Variants in APOO observed in about 807,000 individuals in gnomAD.
APOO encodes the protein MICOS complex subunit MIC26.
In APOO, 11 loss-of-function variants were observed where a neutral mutation model predicts 23.1. That is an observed-to-expected ratio of 0.48 (90% CI 0.30 to 0.79). APOO has a LOEUF of 0.79. Ranked by LOEUF, APOO falls within the 30% of genes least tolerant of loss-of-function variation. The pLI is 0.07. For synonymous variants in APOO, 59 were observed against 54.8 expected, an observed-to-expected ratio of 1.08 and a Z score of -0.34; for missense variants, 160 against 142.7, an observed-to-expected ratio of 1.12 and a Z score of -0.62.
At position 23,869,951 on chromosome X, in the gene APOO, C is replaced by CA. The variant is rs112428925; in HGVS notation, c.293-1264dup. Among the ~76,000 whole-genome samples, 394 of 69,648 alleles carry CA rather than the reference C, an allele frequency of 5.7e-3. 1 individual carries two copies. Among genetic ancestry groups the CA allele is most frequent in the African/African-American group, 7.2e-3 (133 of 18,557 alleles). The allele number at this position is 69,648 out of a possible 115,157, so 60.5% of individuals were successfully genotyped here. A position where few individuals can be genotyped will look rare whatever the true frequency, so the allele number is the denominator to read the frequency against. On this transcript the variant is annotated intron_variant, in intron 4 of 8. Coordinates refer to ENST00000379226, the MANE Select transcript of APOO (RefSeq NM_024122.5). ...TGGGTGACAGAGCGAGACTCCTTCT[C>CA]AAAAAAAAAAAAAAGAAAGAAATCA...
At chrX:23,857,788 C>T (rs964971978) in intron 6 of APOO, among the ~76,000 whole-genome samples, 1 of 111,415 alleles carries the variant, frequency 9.0e-6, no homozygotes, top group Non-Finnish European at 1.9e-5. Flanking sequence ...CTTGTTCTTA[C>T]CAGTTCCTGA....
rs763483660 is a variant in APOO, at chrX:23,843,004, A to G, written c.562-2627T>C. On this transcript the variant is annotated intron_variant, in intron 7 of 8. Transcript: ENST00000379226. Reference sequence around the variant, plus strand: ...GCCTGGGCAACAAGAGTGAAACTCCATCTCAAAAACAAACAAAAACAAACA... The same window carrying G: ...GCCTGGGCAACAAGAGTGAAACTCCGTCTCAAAAACAAACAAAAACAAACA... Among the ~76,000 whole-genome samples the G allele has an allele frequency of 9.0e-5, 10 of 111,627 alleles. No homozygotes were observed. In the East Asian group the frequency reaches 2.2e-3, roughly 25 times the overall value.
At chrX:23,863,532 G>C (rs1424669118) in intron 5 of APOO, among the ~76,000 whole-genome samples, 1 of 111,744 alleles carries the variant, frequency 8.9e-6, no homozygotes, top group Non-Finnish European at 1.9e-5. Flanking sequence ...TGAAAGTTTT[G>C]ATGGCAAACA....
intron 5 of APOO, among the ~76,000 whole-genome samples, chrX:23,867,109 TAAACGAAACGAAACG>T (rs57271337): frequency 4.3e-4 from 45 of 104,357 alleles, no homozygotes; most frequent in Middle Eastern, 4.8e-3. Flanking sequence ...CAAATTAAGC[TAAACGAAACGAAACG>T]AAACGAAACG....
At chrX:23,861,559 CAAAAAAAAAAAA>C (rs1344776442) in intron 5 of APOO, among the ~76,000 whole-genome samples, 1 of 39,072 alleles carries the variant, frequency 2.6e-5, no homozygotes, top group East Asian at 7.1e-4. Flanking sequence ...GATCCTGTCT[CAAAAAAAAAAAA>C]AAAAAAAAAA....
Position 23,840,373 on chromosome X carries a change from C to T in APOO, c.566G>A (p.Gly189Glu), listed in dbSNP as rs757432410. 9 of 1,200,175 alleles carry T rather than the reference C, an allele frequency of 7.5e-6. No individual in the cohort carries two copies. Among genetic ancestry groups the T allele is most frequent in the Non-Finnish European group, 1.0e-5 (9 of 890,239 alleles). ...DLWKENFQKP[G>E]NVKNSPGTK ...AGTTCCAGGTGAATTCTTCACATTTCCTGGCTTTTAAAACAAAAGAAAGAG... is the reference window on the plus strand; with the variant it reads ...AGTTCCAGGTGAATTCTTCACATTTTCTGGCTTTTAAAACAAAAGAAAGAG... The change falls in exon 8 of 9, where the codon GGA becomes GAA. Residue 189 changes from glycine (G) to glutamate (E), a missense_variant. Coordinates refer to ENST00000379226, the MANE Select transcript of APOO (RefSeq NM_024122.5).
At chrX:23,889,173 T>C in intron 1 of APOO, among the ~76,000 whole-genome samples, 1 of 110,876 alleles carries the variant, frequency 9.0e-6, no homozygotes, top group South Asian at 3.8e-4. Flanking sequence ...AGATTGAGTT[T>C]ATCAGTCAGC....
At chrX:23,878,009 A>T (rs1925936545) in intron 3 of APOO, among the ~76,000 whole-genome samples, 1 of 111,911 alleles carries the variant, frequency 8.9e-6, no homozygotes, top group Non-Finnish European at 1.9e-5. Flanking sequence ...CAAATGCCTG[A>T]CCTAAAACCC....
chrX:23,881,947 CAAAAAAAAAAAAAAAAAA>C (rs56820853), intron 1 of APOO, among the ~76,000 whole-genome samples: 4 of 31,814 alleles, frequency 1.3e-4, no homozygotes, highest in African/African-American at 5.5e-4. Flanking sequence ...GACTCCACCT[CAAAAAAAAAAAAAAAAAA>C]AAAAAAAAAA....
intron 1 of APOO, among the ~76,000 whole-genome samples, chrX:23,901,037 C>T (rs762194925): frequency 8.9e-6 from 1 of 112,210 alleles, no homozygotes; most frequent in African/African-American, 3.2e-5. Flanking sequence ...AGATGATTTT[C>T]CTTTTCCATT....
At chrX:23,873,422 C>T (rs190582846) in intron 4 of APOO, among the ~76,000 whole-genome samples, 1 of 110,941 alleles carries the variant, frequency 9.0e-6, no homozygotes, top group Non-Finnish European at 1.9e-5. Flanking sequence ...GCCCGGCTAA[C>T]AAGGTGAAAC....
intron 6 of APOO, among the ~76,000 whole-genome samples, chrX:23,858,311 T>C (rs756135162): frequency 5.4e-5 from 6 of 111,061 alleles, no homozygotes; most frequent in African/African-American, 2.0e-4. Context: ...ATGCATAAAC[T>C]GAGTGACCCA....
intron 1 of APOO, among the ~76,000 whole-genome samples, chrX:23,882,306 G>A (rs1025639189): frequency 1.8e-5 from 2 of 112,038 alleles, no homozygotes; most frequent in Non-Finnish European, 3.8e-5. Context: ...GCAGCCATAC[G>A]TTTCAACAGA....
At chrX:23,907,376 C>T (rs1927409053) in intron 1 of APOO, among the ~76,000 whole-genome samples, 1 of 112,132 alleles carries the variant, frequency 8.9e-6, no homozygotes, top group South Asian at 3.7e-4. Flanking sequence ...ACCCTACCCA[C>T]GATCCCAAGA....
intron 7 of APOO, among the ~76,000 whole-genome samples, chrX:23,846,622 C>T (rs1385589377): frequency 2.3e-5 from 2 of 88,095 alleles, no homozygotes; most frequent in African/African-American, 9.6e-5. Context: ...GAGCAAGACT[C>T]CATCTCAAAA....
intron 8 of APOO, among the ~76,000 whole-genome samples, chrX:23,834,233 A>G (rs993239387): frequency 9.3e-6 from 1 of 107,600 alleles, no homozygotes; most frequent in Admixed American, 1.0e-4. Flanking sequence ...CATCTTTACT[A>G]AAAATACAAA....
chrX:23,864,603 G>C (rs1230658392), intron 5 of APOO, among the ~76,000 whole-genome samples: 2 of 112,052 alleles, frequency 1.8e-5, no homozygotes, highest in Non-Finnish European at 3.8e-5. Flanking sequence ...TACCCCGACA[G>C]AATGTGTACA....
At chrX:23,881,873 G>A (rs1285535348) in intron 1 of APOO, among the ~76,000 whole-genome samples, 2 of 98,855 alleles carry the variant, frequency 2.0e-5, no homozygotes, top group Non-Finnish European at 4.0e-5. Context: ...ACCTGCACCT[G>A]GGAGGTGGAG....
chrX:23,862,148 CCA>C, intron 5 of APOO, among the ~76,000 whole-genome samples: 1 of 110,854 alleles, frequency 9.0e-6, no homozygotes, highest in East Asian at 2.8e-4. Flanking sequence ...CCAAGAATCA[CCA>C]GTCATTTGTG....
Sources: allele counts gnomAD v4.1 joint callset (sites outside exome capture counted in the v4.1 genomes callset), GRCh38; gene constraint gnomAD v4.1.1; transcripts MANE v1.5; gene names NCBI Gene and HGNC (gene_info 2026-07-23, HGNC 2026-07-21).